TK2: variants seen among roughly 807,000 people sequenced by gnomAD.
TK2 encodes thymidine kinase 2, also known as thymidine kinase 2, mitochondrial.
TK2 carries 35 observed loss-of-function variants against 41.9 expected under a neutral mutation model. The observed-to-expected ratio is 0.84, with a 90% CI of 0.64 to 1.11. The LOEUF is 1.11. Among genes scored for constraint, TK2 ranks in the 50% least tolerant of loss-of-function variants. TK2 has a pLI of 0.00. For synonymous variants in TK2, 128 were observed against 129.1 expected (o/e 0.99, Z 0.06); for missense variants, 320 against 351.1 (o/e 0.91, Z 0.71).
intron 3 of TK2, among the ~76,000 whole-genome samples, chr16:66,539,262 A>T (rs1965380918): frequency 6.6e-6 from 1 of 152,080 alleles, no homozygotes; most frequent in Non-Finnish European, 1.5e-5. Context: ...ACGCAGTCAT[A>T]CTCACAGCTA....
intron 4 of TK2, among the ~76,000 whole-genome samples, chr16:66,535,851 C>T (rs940444750): frequency 3.3e-5 from 5 of 152,196 alleles, no homozygotes; most frequent in African/African-American, 1.2e-4. Flanking sequence ...ACAGTCCCTG[C>T]TCCTAGTAGA....
At chr16:66,537,484 A>G (rs929255037) in intron 3 of TK2, among the ~76,000 whole-genome samples, 2 of 152,334 alleles carry the variant, frequency 1.3e-5, no homozygotes, top group East Asian at 3.9e-4. Flanking sequence ...CACTGGGTGC[A>G]CTGGCTGCTG....
intron 4 of TK2, among the ~76,000 whole-genome samples, chr16:66,534,727 C>T (rs1212682503): frequency 6.6e-6 from 1 of 152,262 alleles, no homozygotes; most frequent in Admixed American, 6.5e-5. Flanking sequence ...TCATGTAAAA[C>T]AGAAGCCAAC....
At chr16:66,543,237 G>A (rs954003401) in intron 2 of TK2, among the ~76,000 whole-genome samples, 6 of 152,170 alleles carry the variant, frequency 3.9e-5, no homozygotes, top group African/African-American at 1.4e-4. Context: ...TGGGAACCAC[G>A]AGGCTGGAGC....
chr16:66,549,051 T>A, intron 1 of TK2, 42 bp from the exon 2 acceptor site: 1 of 1,612,400 alleles, frequency 6.2e-7, no homozygotes, highest in Non-Finnish European at 8.5e-7. Flanking sequence ...CACTTTTAAA[T>A]AACTCTCCTC....
intron 5 of TK2, among the ~76,000 whole-genome samples, chr16:66,529,451 A>G (rs1567532769): frequency 6.6e-6 from 1 of 152,212 alleles, no homozygotes; most frequent in South Asian, 2.1e-4. Flanking sequence ...ACTACCACGG[A>G]CCTAAATAGG....
At chr16:66,547,700 T>A (rs906882839) in intron 2 of TK2, among the ~76,000 whole-genome samples, 6 of 147,554 alleles carry the variant, frequency 4.1e-5, no homozygotes, top group Admixed American at 1.4e-4. Flanking sequence ...CAGACAAACC[T>A]CCCCCATCAG....
chr16:66,530,074 A>G (rs1965062387), intron 5 of TK2, among the ~76,000 whole-genome samples: 1 of 152,252 alleles, frequency 6.6e-6, no homozygotes, highest in Admixed American at 6.5e-5. Context: ...AGCAAAGGCA[A>G]AATGCACTAA....
chr16:66,509,476 G>T lies in TK2; in HGVS notation c.*2492C>A, dbSNP rs1964387074. 1 of 152,196 alleles carries T rather than the reference G, an allele frequency of 6.6e-6. No homozygotes were observed. Among genetic ancestry groups the T allele is most frequent in the Non-Finnish European group, 1.5e-5 (1 of 68,046 alleles). 9.4% of individuals were successfully genotyped at this position (152,196 alleles called of 1,614,324 possible). On this transcript the variant is annotated 3_prime_UTR_variant, in exon 10 of 10. Transcript: ENST00000544898. ...ATGGTTATAATCATATATTTTACAT[G>T]TACTGTCAAAAAGCTTAAATAAAAG... is the stretch of plus-strand genomic sequence containing the variant.
intron 3 of TK2, among the ~76,000 whole-genome samples, chr16:66,539,811 G>A (rs1965403035): frequency 1.3e-5 from 2 of 152,136 alleles, no homozygotes; most frequent in South Asian, 4.1e-4. Context: ...CTGAACCTGG[G>A]AGTTCAGGGT....
rs1348026323 is a variant in TK2 at position 66,537,017 on chromosome 16, C to T, written c.232G>A (p.Val78Met). 3.1e-6 allele frequency: 5 copies of T among 1,614,008 alleles called. No homozygotes were observed. In the South Asian group the frequency reaches 5.5e-5, roughly 18 times the overall value. ...CACTTGGACACAGGCTCCGTTAACA[C>T]CTGGAAGGAAAGAAAACATCAGAGC... Reference protein sequence around the residue: ...EFFSNATDVEVLTEPVSKWRN... With the variant: ...EFFSNATDVEMLTEPVSKWRN... Residue 78 changes from valine to methionine, a missense_variant and splice_region_variant, in exon 4 of 10, where the codon GTG becomes ATG. Val to Met is a conservative substitution (Grantham distance 21). Coordinates refer to ENST00000544898, the MANE Select transcript of TK2 (RefSeq NM_004614.5).
intron 2 of TK2, among the ~76,000 whole-genome samples, chr16:66,545,337 T>C (rs572402271): frequency 6.6e-6 from 1 of 152,250 alleles, no homozygotes; most frequent in African/African-American, 2.4e-5. Flanking sequence ...TGCCAAAGCC[T>C]CCACAGGGAG....
In TK2 at chr16:66,549,108, A is replaced by C. The variant is rs1057057336; in HGVS notation, c.125-99T>G. 5.7e-6 allele frequency: 9 copies of C among 1,586,266 alleles called. No homozygotes were observed. The Admixed American group carries it at 1.6e-4, about 28-fold the overall frequency. The stretch of plus-strand genomic sequence containing the variant: ...CACAAAAACACTAATGTTTATGCTC[A>C]CTCCCTGGCCTAAAAACATTTTCCA... On this transcript the variant is annotated intron_variant, in intron 1 of 9. Transcript: ENST00000544898.
intron 3 of TK2, among the ~76,000 whole-genome samples, chr16:66,540,998 T>G (rs921361224): frequency 1.3e-5 from 2 of 152,232 alleles, no homozygotes; most frequent in African/African-American, 4.8e-5. Context: ...TCCAAAATCC[T>G]AAATGCTCCA....
intron 1 of TK2, 27 bp from the exon 2 acceptor site, chr16:66,549,036 A>G (rs767675216): frequency 6.2e-7 from 1 of 1,613,078 alleles, no homozygotes; most frequent in South Asian, 1.1e-5. Context: ...ATCAGTTTTT[A>G]AACTCACTTT....
rs541954243 is a variant in TK2, at chr16:66,510,264, GC to G, written c.*1703del. 6.1e-4 allele frequency: 93 copies of G among 151,240 alleles called. No individual in the cohort carries two copies. Among genetic ancestry groups the G allele is most frequent in the African/African-American group, 2.2e-3 (90 of 41,244 alleles). 9.4% of individuals were successfully genotyped at this position (151,240 alleles called of 1,614,324 possible). On this transcript the variant is annotated 3_prime_UTR_variant, in exon 10 of 10. Coordinates refer to ENST00000544898, the MANE Select transcript of TK2 (RefSeq NM_004614.5). ...ATCACATTTCCCCAAAAATGGATGT[GC>G]AAAATGAGCCGAGAGGAAATATTGG...
chr16:66,548,330 C>A (rs770526211), intron 2 of TK2, among the ~76,000 whole-genome samples: 1 of 152,194 alleles, frequency 6.6e-6, no homozygotes, highest in Non-Finnish European at 1.5e-5. Context: ...CCAAGCCACC[C>A]CCTTCCCAGC....
chr16:66,537,073 G>C, intron 3 of TK2, 56 bp from the exon 4 acceptor site: 2 of 1,600,432 alleles, frequency 1.2e-6, no homozygotes, highest in Admixed American at 3.3e-5. Flanking sequence ...CCCTGTAAAA[G>C]TGTGTAAGTG....
At chr16:66,522,332 C>T (rs1243346848) in intron 6 of TK2, among the ~76,000 whole-genome samples, 2 of 152,226 alleles carry the variant, frequency 1.3e-5, no homozygotes, top group African/African-American at 2.4e-5. Context: ...TGGTTCCAAA[C>T]ACCAGGTCTT....
Sources: gnomAD v4.1 joint callset for allele counts (sites outside exome capture counted in the v4.1 genomes callset) on GRCh38, gnomAD v4.1.1 for gene constraint, MANE v1.5 for transcripts, NCBI Gene and HGNC (gene_info 2026-07-23, HGNC 2026-07-21) for gene names.